Variants in SOBP observed in about 807,000 individuals in gnomAD.
The protein encoded by SOBP is sine oculis-binding protein homolog.
In SOBP, 4 loss-of-function variants were observed where a neutral mutation model predicts 53.6. The ratio of observed to expected loss-of-function variants is 0.07; its 90% CI spans 0.04 to 0.17. The LOEUF is 0.17. SOBP is among the 10% of genes least tolerant of loss of function. The pLI is 1.00. For synonymous variants in SOBP, 584 were observed against 522.6 expected (o/e 1.12, Z -1.60); for missense variants, 1,088 against 1,204.7 (o/e 0.90, Z 1.43).
chr6:107,560,644 T>A (rs541352324), intron 4 of SOBP, among the ~76,000 whole-genome samples: 2 of 152,338 alleles, frequency 1.3e-5, no homozygotes, highest in East Asian at 3.9e-4. Flanking sequence ...TTAAGCCTCA[T>A]AATGCCCTGA....
intron 6 of SOBP, among the ~76,000 whole-genome samples, chr6:107,642,531 A>G (rs556773636): frequency 8.5e-5 from 13 of 152,314 alleles, no homozygotes; most frequent in South Asian, 4.1e-4. Flanking sequence ...TGCTTGTGCA[A>G]TTGTACTGTG....
intron 4 of SOBP, among the ~76,000 whole-genome samples, chr6:107,569,965 A>G (rs1174682899): frequency 2.0e-5 from 3 of 152,080 alleles, no homozygotes; most frequent in Admixed American, 2.0e-4. Flanking sequence ...TTCTCCCTCA[A>G]CTGGGGCCCA....
Position 107,634,012 on chromosome 6 carries a change from C to T in SOBP, c.1168C>T (p.Arg390Cys), listed in dbSNP as rs755672244. Residue 390 changes from arginine to cysteine, a missense_variant, in exon 6 of 7, where the codon CGC becomes TGC. Transcript: ENST00000317357. The surrounding 1 kb of genome is among the most constrained non-coding windows in gnomAD (Gnocchi z 4.5). ...GAGCCCTCCCATGGTGATGACCAAC[C>T]GCGGCCCGGTGCCGCTGCCCATCTT... is the stretch of plus-strand genomic sequence containing the variant. Reference protein sequence around the residue: ...PRSPPMVMTNRGPVPLPIFME... With the variant: ...PRSPPMVMTNCGPVPLPIFME... 6.2e-7 allele frequency: 1 copy of T among 1,613,006 alleles called. No homozygotes were observed. Among genetic ancestry groups the T allele is most frequent in the Non-Finnish European group, 8.5e-7 (1 of 1,179,394 alleles).
intron 6 of SOBP, among the ~76,000 whole-genome samples, chr6:107,651,342 G>C (rs1365294062): frequency 6.6e-6 from 1 of 152,202 alleles, no homozygotes; most frequent in Non-Finnish European, 1.5e-5. Context: ...TGCTGATATA[G>C]AGAAAATTTG....
chr6:107,601,672 T>G (rs1786184060), intron 5 of SOBP, among the ~76,000 whole-genome samples: 1 of 152,206 alleles, frequency 6.6e-6, no homozygotes, highest in Non-Finnish European at 1.5e-5. Flanking sequence ...AGAATGTCAC[T>G]GGGTCTAATA....
chr6:107,525,960 T>G (rs528913885), intron 3 of SOBP, among the ~76,000 whole-genome samples: 1 of 152,020 alleles, frequency 6.6e-6, no homozygotes, highest in Admixed American at 6.6e-5. Flanking sequence ...CTTTTTTTTT[T>G]CCCCGAGACG....
chr6:107,540,974 A>G (rs867669310), intron 4 of SOBP, among the ~76,000 whole-genome samples: 3 of 152,354 alleles, frequency 2.0e-5, no homozygotes, highest in Middle Eastern at 3.4e-3. Flanking sequence ...GACAAGATTA[A>G]GCTCAAGAAT....
chr6:107,588,850 G>A (rs913966587), intron 5 of SOBP, among the ~76,000 whole-genome samples: 6 of 152,114 alleles, frequency 3.9e-5, no homozygotes, highest in Admixed American at 2.6e-4. Context: ...TACAATCTTC[G>A]TCCTTCCAGT....
At chr6:107,526,055 C>G (rs1358015928) in intron 3 of SOBP, among the ~76,000 whole-genome samples, 1 of 152,096 alleles carries the variant, frequency 6.6e-6, no homozygotes, top group Admixed American at 6.6e-5. Flanking sequence ...TCAAGCGATT[C>G]TCCTGCCTCA....
intron 3 of SOBP, chr6:107,511,422 G>C: frequency 6.6e-6 from 1 of 152,180 alleles, no homozygotes; most frequent in East Asian, 1.9e-4. Context: ...GGCCCAGTAG[G>C]GGTAAAATCC....
At chr6:107,577,107 C>T (rs1668078595) in intron 4 of SOBP, among the ~76,000 whole-genome samples, 1 of 152,192 alleles carries the variant, frequency 6.6e-6, no homozygotes, top group Admixed American at 6.5e-5. Context: ...CATCTGCATC[C>T]TTTCGCATGT....
At chr6:107,524,532 G>A (rs7749317) in intron 3 of SOBP, among the ~76,000 whole-genome samples, 37,120 of 152,132 alleles carry the variant, frequency 0.24, 5,321 homozygotes, top group African/African-American at 0.39. Context: ...CATTTTCTCT[G>A]TAGGGCTCTA....
intron 5 of SOBP, among the ~76,000 whole-genome samples, chr6:107,627,137 T>C (rs1267342062): frequency 6.6e-6 from 1 of 152,150 alleles, no homozygotes; most frequent in East Asian, 1.9e-4. Flanking sequence ...TCATCCACCT[T>C]AAATGAAGCA....
In SOBP at chr6:107,521,961, A is replaced by AC. The variant is rs1562587693; in HGVS notation, c.422-11498_422-11497insC. ...ACACACACACACACACACACACACAAACTCAATCAAGTCTGAGAATTACCA... is the reference window on the plus strand; with the variant it reads ...ACACACACACACACACACACACACAACACTCAATCAAGTCTGAGAATTACCA... On this transcript the variant is annotated intron_variant, in intron 3 of 6. Transcript: ENST00000317357. Among the ~76,000 whole-genome samples, 14 of 114,082 alleles carry AC rather than the reference A, an allele frequency of 1.2e-4. No individual in the cohort carries two copies. In the East Asian group the frequency reaches 3.1e-3, roughly 25 times the overall value. The allele number at this position is 114,082 out of a possible 152,430, so 74.8% of individuals were successfully genotyped here. A position where few individuals can be genotyped will look rare whatever the true frequency, so the allele number is the denominator to read the frequency against.
intron 6 of SOBP, among the ~76,000 whole-genome samples, chr6:107,656,390 T>C (rs937250372): frequency 6.6e-6 from 1 of 151,534 alleles, no homozygotes; most frequent in Non-Finnish European, 1.5e-5. Context: ...GTGAGCTCTT[T>C]ATTCAGAAAT....
At chr6:107,546,305 T>G (rs182229064) in intron 4 of SOBP, among the ~76,000 whole-genome samples, 1 of 152,210 alleles carries the variant, frequency 6.6e-6, no homozygotes, top group Non-Finnish European at 1.5e-5. Context: ...TTTATAAGGA[T>G]TTTTTGCAAC....
At chr6:107,597,270 G>A (rs1027698640) in intron 5 of SOBP, among the ~76,000 whole-genome samples, 20 of 152,204 alleles carry the variant, frequency 1.3e-4, no homozygotes, top group Non-Finnish European at 2.5e-4. Flanking sequence ...ATTTCAATCA[G>A]TGATGCTTTT....
intron 4 of SOBP, among the ~76,000 whole-genome samples, chr6:107,543,305 G>T (rs1033962632): frequency 1.3e-5 from 2 of 152,118 alleles, no homozygotes; most frequent in Non-Finnish European, 2.9e-5. Flanking sequence ...AGTGGTCATG[G>T]GACAGCTGCT....
At chr6:107,621,585 A>G (rs1365361258) in intron 5 of SOBP, among the ~76,000 whole-genome samples, 1 of 152,226 alleles carries the variant, frequency 6.6e-6, no homozygotes, top group African/African-American at 2.4e-5. Flanking sequence ...AAAAGACGAT[A>G]GGCAATCCAA....
Sources: gnomAD v4.1 joint callset for allele counts (sites outside exome capture counted in the v4.1 genomes callset) on GRCh38, gnomAD v4.1.1 for gene constraint, Gnocchi (gnomAD v3.1) non-coding constraint, MANE v1.5 for transcripts, NCBI Gene and HGNC (gene_info 2026-07-23, HGNC 2026-07-21) for gene names.